MAP2K1: variants seen among roughly 807,000 people sequenced by gnomAD.
The protein encoded by MAP2K1 is dual specificity mitogen-activated protein kinase kinase 1.
In MAP2K1, 16 loss-of-function variants were observed where a neutral mutation model predicts 46.3. That is an observed-to-expected ratio of 0.35 (90% confidence interval 0.23 to 0.52). The LOEUF is 0.52. MAP2K1 is among the 20% of genes least tolerant of loss of function. The pLI, the probability that MAP2K1 is intolerant of heterozygous loss-of-function variation, is 0.94. For synonymous variants in MAP2K1, 183 were observed against 185.6 expected (o/e 0.99, Z 0.11); for missense variants, 263 against 497.1 (o/e 0.53, Z 4.48).
At chr15:66,490,068 C>G in intron 10 of MAP2K1, 1 of 547,810 alleles carries the variant, frequency 1.8e-6, no homozygotes, top group Non-Finnish European at 3.3e-6. Context: ...CTGACTGCCT[C>G]ATCTTACATT....
chr15:66,449,501 G>T (rs1458761472), intron 5 of MAP2K1, among the ~76,000 whole-genome samples: 1 of 152,168 alleles, frequency 6.6e-6, no homozygotes, highest in Non-Finnish European at 1.5e-5. Context: ...AACTTTTTTG[G>T]AGTAATAGAA....
chr15:66,466,217 C>T (rs1892460969), intron 5 of MAP2K1, among the ~76,000 whole-genome samples: 1 of 152,230 alleles, frequency 6.6e-6, no homozygotes, highest in Admixed American at 6.5e-5. Context: ...CAACCAGTTT[C>T]TCCAATTGTG....
intron 1 of MAP2K1, among the ~76,000 whole-genome samples, chr15:66,433,719 C>T (rs1207524632): frequency 6.6e-6 from 1 of 152,084 alleles, no homozygotes; most frequent in Non-Finnish European, 1.5e-5. Flanking sequence ...GGCAGGAACA[C>T]CAACATGATG....
intron 1 of MAP2K1, among the ~76,000 whole-genome samples, chr15:66,392,957 C>T (rs11854215): frequency 0.11 from 16,090 of 152,140 alleles, 1,081 homozygotes; most frequent in Non-Finnish European, 0.15. Flanking sequence ...TCATGTTTGC[C>T]TGCCACATTT....
At chr15:66,487,503 G>C (rs1460229942) in intron 8 of MAP2K1, among the ~76,000 whole-genome samples, 1 of 152,274 alleles carries the variant, frequency 6.6e-6, no homozygotes, top group South Asian at 2.1e-4. Context: ...GCTGGGCATG[G>C]TGGTGCACGT....
chr15:66,484,514 T>A (rs1892991302), intron 6 of MAP2K1, among the ~76,000 whole-genome samples: 1 of 152,156 alleles, frequency 6.6e-6, no homozygotes, highest in African/African-American at 2.4e-5. Flanking sequence ...AGTCCCGGAA[T>A]TGGGATTTAA....
At chr15:66,401,853 C>G in intron 1 of MAP2K1, 1 of 627,748 alleles carries the variant, frequency 1.6e-6, no homozygotes, top group South Asian at 1.5e-5. Context: ...AGCAACTTCA[C>G]ACAAGTGGGA....
intron 1 of MAP2K1, among the ~76,000 whole-genome samples, chr15:66,393,501 C>T (rs1004926106): frequency 5.3e-5 from 8 of 152,130 alleles, no homozygotes. Flanking sequence ...AAAACAATAC[C>T]GTTAATCCAG....
chr15:66,457,187 C>T (rs8027717), intron 5 of MAP2K1, among the ~76,000 whole-genome samples: 128,773 of 152,230 alleles, frequency 0.85, 55,761 homozygotes, highest in East Asian at 1. Flanking sequence ...GGCGTAATCT[C>T]GGCTCACTGC....
At chr15:66,447,137 T>G (rs374846883) in intron 5 of MAP2K1, among the ~76,000 whole-genome samples, 26 of 151,802 alleles carry the variant, frequency 1.7e-4, no homozygotes, top group African/African-American at 5.3e-4. Flanking sequence ...CCCCGTAGAT[T>G]AGGTGATACA....
intron 1 of MAP2K1, among the ~76,000 whole-genome samples, chr15:66,421,189 G>A (rs1284621264): frequency 6.6e-6 from 1 of 151,400 alleles, no homozygotes; most frequent in Non-Finnish European, 1.5e-5. Flanking sequence ...AGACTGGAGT[G>A]CAGTAGTGTG....
intron 5 of MAP2K1, among the ~76,000 whole-genome samples, chr15:66,448,184 C>T (rs1891930756): frequency 6.7e-6 from 1 of 148,456 alleles, no homozygotes; most frequent in African/African-American, 2.5e-5. Context: ...CCCACTATTT[C>T]CCCCTTTCCC....
chr15:66,454,232 A>G (rs1457614636), intron 5 of MAP2K1, among the ~76,000 whole-genome samples: 1 of 152,186 alleles, frequency 6.6e-6, no homozygotes, highest in South Asian at 2.1e-4. Context: ...CCAAGATTTA[A>G]AAAGTAGAGT....
intron 1 of MAP2K1, among the ~76,000 whole-genome samples, chr15:66,389,260 C>T (rs1371836476): frequency 6.6e-6 from 1 of 152,164 alleles, no homozygotes; most frequent in Non-Finnish European, 1.5e-5. Flanking sequence ...GACTGAAAGT[C>T]ATGACTGTTG....
At chr15:66,449,110 A>T (rs1444348810) in intron 5 of MAP2K1, among the ~76,000 whole-genome samples, 1 of 152,058 alleles carries the variant, frequency 6.6e-6, no homozygotes, top group Non-Finnish European at 1.5e-5. Flanking sequence ...TTATACCACC[A>T]TGAACTGCAC....
chr15:66,465,458 A>G lies in MAP2K1; in HGVS notation c.569-16297A>G, dbSNP rs374004596. On this transcript the variant is annotated intron_variant, in intron 5 of 10. Transcript: ENST00000307102. ...ACAGGGATTTTCACAGTGCTTTTCT[A>G]TACAGTGTCTGTAATCTATAGATAA... Among the ~76,000 whole-genome samples, 104 of 152,348 alleles carry G rather than the reference A, an allele frequency of 6.8e-4. No homozygotes were observed. In the South Asian group the frequency reaches 0.02, roughly 29 times the overall value.
At chr15:66,403,517 A>T (rs969427055) in intron 1 of MAP2K1, among the ~76,000 whole-genome samples, 10 of 152,126 alleles carry the variant, frequency 6.6e-5, no homozygotes, top group African/African-American at 2.4e-4. Context: ...CTTGAAATGG[A>T]TGCCTTTCTG....
chr15:66,471,936 G>C (rs910635784), intron 5 of MAP2K1, among the ~76,000 whole-genome samples: 2 of 151,872 alleles, frequency 1.3e-5, no homozygotes, highest in Non-Finnish European at 2.9e-5. Context: ...AATTAGCTAG[G>C]CGTGGTGGCA....
intron 6 of MAP2K1, among the ~76,000 whole-genome samples, chr15:66,483,602 G>T (rs985852793): frequency 6.6e-6 from 1 of 152,106 alleles, no homozygotes; most frequent in Non-Finnish European, 1.5e-5. Flanking sequence ...TTTCGGTAGG[G>T]TTCTTGAAAT....
Sources: gnomAD v4.1 joint callset for allele counts (sites outside exome capture counted in the v4.1 genomes callset) on GRCh38, gnomAD v4.1.1 for gene constraint, MANE v1.5 for transcripts, NCBI Gene and HGNC (gene_info 2026-07-23, HGNC 2026-07-21) for gene names.